Variants in PTPRD observed in about 807,000 individuals in gnomAD.
PTPRD encodes protein tyrosine phosphatase receptor type D, also known as receptor-type tyrosine-protein phosphatase delta.
In PTPRD, 34 loss-of-function variants were observed where a neutral mutation model predicts 214.5. The observed-to-expected ratio is 0.16, with a 90% CI of 0.12 to 0.21. PTPRD has a LOEUF of 0.21. Among genes scored for constraint, PTPRD ranks in the 10% least tolerant of loss-of-function variants. The pLI is 1.00. For missense variants in PTPRD, 2,545 were observed against 2,398.7 expected (o/e 1.06, Z -1.27); for synonymous variants, 1,128 against 845.7 (o/e 1.33, Z -5.79).
chr9:9,951,223 A>G (rs2093426276), intron 4 of PTPRD, among the ~76,000 whole-genome samples: 1 of 152,186 alleles, frequency 6.6e-6, no homozygotes, highest in African/African-American at 2.4e-5. Flanking sequence ...AGGGAAAAAA[A>G]AGTGATAAGT....
chr9:9,440,260 G>T (rs187925545), intron 8 of PTPRD, among the ~76,000 whole-genome samples: 1 of 152,090 alleles, frequency 6.6e-6, no homozygotes, highest in Non-Finnish European at 1.5e-5. Flanking sequence ...TATCAAATTT[G>T]TGTACGCACA....
intron 10 of PTPRD, among the ~76,000 whole-genome samples, chr9:9,172,483 C>T (rs2099922062): frequency 6.6e-6 from 1 of 152,054 alleles, no homozygotes; most frequent in African/African-American, 2.4e-5. Flanking sequence ...GATCCCTTGC[C>T]CGTTTGGACC....
chr9:9,182,104 A>G (rs902235287), intron 10 of PTPRD, among the ~76,000 whole-genome samples: 5 of 152,072 alleles, frequency 3.3e-5, no homozygotes, highest in Non-Finnish European at 5.9e-5. Context: ...TTAACATATA[A>G]AATTGAACAA....
chr9:10,182,912 C>T (rs2099308622), intron 3 of PTPRD, among the ~76,000 whole-genome samples: 1 of 152,136 alleles, frequency 6.6e-6, no homozygotes, highest in African/African-American at 2.4e-5. Flanking sequence ...ACACCATGTA[C>T]TTGATCAGAA....
chr9:9,565,185 CAATAT>C (rs1176888221), intron 8 of PTPRD, among the ~76,000 whole-genome samples: 1 of 151,716 alleles, frequency 6.6e-6, no homozygotes, highest in Non-Finnish European at 1.5e-5. Flanking sequence ...TGTAAACTAA[CAATAT>C]ATTTTATTAA....
At chr9:10,404,329 G>A (rs2098325537) in intron 2 of PTPRD, among the ~76,000 whole-genome samples, 1 of 151,622 alleles carries the variant, frequency 6.6e-6, no homozygotes, top group Non-Finnish European at 1.5e-5. Flanking sequence ...ATACACATAG[G>A]TGATTTTTTG....
At chr9:8,410,442 G>A (rs1449442361) in intron 35 of PTPRD, among the ~76,000 whole-genome samples, 1 of 152,138 alleles carries the variant, frequency 6.6e-6, no homozygotes, top group Non-Finnish European at 1.5e-5. Flanking sequence ...AGTGTCAGGT[G>A]TGTGTCCTCA....
intron 3 of PTPRD, among the ~76,000 whole-genome samples, chr9:10,230,408 G>A (rs62538658): frequency 7.2e-6 from 1 of 138,300 alleles, no homozygotes; most frequent in Non-Finnish European, 1.6e-5. Flanking sequence ...ATCTCTCTAT[G>A]TATCTATCTA....
intron 14 of PTPRD, among the ~76,000 whole-genome samples, chr9:8,630,129 C>G (rs537872825): frequency 6.6e-6 from 1 of 151,778 alleles, no homozygotes; most frequent in Admixed American, 6.6e-5. Flanking sequence ...ATCATGAGAG[C>G]TGGCACATTT....
chr9:9,995,042 T>G (rs2096073652), intron 4 of PTPRD, among the ~76,000 whole-genome samples: 1 of 152,168 alleles, frequency 6.6e-6, no homozygotes, highest in Non-Finnish European at 1.5e-5. Flanking sequence ...TTAAGCTTAT[T>G]TTTGTAAACT....
chr9:9,945,324 A>C (rs192337740), intron 4 of PTPRD, among the ~76,000 whole-genome samples: 1 of 152,280 alleles, frequency 6.6e-6, no homozygotes, highest in African/African-American at 2.4e-5. Context: ...GTGGTATTAT[A>C]AACATAGAGA....
At chr9:8,454,512 A>C (rs1274349338) in intron 33 of PTPRD, 33 of 1,568,030 alleles carry the variant, frequency 2.1e-5, no homozygotes, top group Non-Finnish European at 2.8e-5. Context: ...CCTCTTCAAC[A>C]ACTCTGAAGT....
chr9:10,385,333 CTAAT>C (rs1250447450), intron 2 of PTPRD, among the ~76,000 whole-genome samples: 2 of 151,684 alleles, frequency 1.3e-5, no homozygotes, highest in Non-Finnish European at 2.9e-5. Flanking sequence ...CTATTAGAGT[CTAAT>C]TAATGGTTAT....
At chr9:10,098,679 C>T (rs902889336) in intron 3 of PTPRD, among the ~76,000 whole-genome samples, 1 of 151,498 alleles carries the variant, frequency 6.6e-6, no homozygotes, top group African/African-American at 2.4e-5. Context: ...CTTCAAGTAA[C>T]TTTCCTACTT....
intron 7 of PTPRD, among the ~76,000 whole-genome samples, chr9:9,721,049 C>A (rs557727790): frequency 6.6e-6 from 1 of 152,086 alleles, no homozygotes; most frequent in South Asian, 2.1e-4. Flanking sequence ...GGCTTAGTAC[C>A]TAGGTGATAA....
Position 8,998,160 on chromosome 9 carries a change from T to C in PTPRD, c.-104+20537A>G, listed in dbSNP as rs118091450. On this transcript the variant is annotated intron_variant, in intron 11 of 45. Coordinates refer to ENST00000381196, the MANE Select transcript of PTPRD (RefSeq NM_002839.4). ...AGCTAAAATAATTGATGAAGGTGGC[T>C]ACATTACACAACAGATTCAATGCAG... Among the ~76,000 whole-genome samples the C allele has an allele frequency of 2.9e-3, 439 of 152,226 alleles. 11 individuals are homozygous for C. The East Asian group carries it at 0.072, about 25-fold the overall frequency.
intron 2 of PTPRD, among the ~76,000 whole-genome samples, chr9:10,573,634 G>C (rs756419575): frequency 2.9e-4 from 44 of 152,258 alleles, no homozygotes; most frequent in Middle Eastern, 6.8e-3. Context: ...TAGGCTGAAG[G>C]GGGAGGAAGC....
At chr9:10,176,387 A>G (rs536829949) in intron 3 of PTPRD, among the ~76,000 whole-genome samples, 1 of 152,038 alleles carries the variant, frequency 6.6e-6, no homozygotes, top group African/African-American at 2.4e-5. Flanking sequence ...CCTTTCAACA[A>G]TCTAAACCAA....
Position 9,756,521 on chromosome 9 carries a change from G to C in PTPRD, c.-326+10289C>G, listed in dbSNP as rs938697139. Among the ~76,000 whole-genome samples the C allele has an allele frequency of 3.3e-5, 5 of 152,196 alleles. No homozygotes were observed. The South Asian group carries it at 1.0e-3, about 32-fold the overall frequency. On this transcript the variant is annotated intron_variant, in intron 6 of 45. Coordinates refer to ENST00000381196, the MANE Select transcript of PTPRD (RefSeq NM_002839.4). ...AAGTGGGAAACTGAGCCTCAAAGAGGGTAAGCAGAAGGTCCACACAACTTA... is the reference window on the plus strand; with the variant it reads ...AAGTGGGAAACTGAGCCTCAAAGAGCGTAAGCAGAAGGTCCACACAACTTA...
Sources: allele counts gnomAD v4.1 joint callset (sites outside exome capture counted in the v4.1 genomes callset), GRCh38; gene constraint gnomAD v4.1.1; transcripts MANE v1.5; gene names NCBI Gene and HGNC (gene_info 2026-07-23, HGNC 2026-07-21).